The following MMS22L variants were observed in gnomAD, a reference collection of about 807,000 sequenced individuals.
MMS22L encodes protein MMS22-like.
A neutral mutation model predicts 159.1 loss-of-function variants in MMS22L; 74 were observed. That is an observed-to-expected ratio of 0.47 (90% CI 0.39 to 0.56). MMS22L has a LOEUF of 0.56. MMS22L is among the 20% of genes least tolerant of loss of function. The probability of loss-of-function intolerance (pLI) is 0.00; values close to 1 mark genes in which losing one functional copy is unlikely to be tolerated. For synonymous variants in MMS22L, 517 were observed against 506.9 expected, an observed-to-expected ratio of 1.02 and a Z score of -0.27; for missense variants, 1,351 against 1,422.1, an observed-to-expected ratio of 0.95 and a Z score of 0.80.
chr6:97,178,673 A>ATGT, intron 17 of MMS22L, 88 bp from the exon 18 acceptor site: 9 of 598,444 alleles, frequency 1.5e-5, no homozygotes, highest in South Asian at 4.5e-5. Context: ...TAATGTATAT[A>ATGT]TGAGAAGTAA....
rs182844436 is a variant in MMS22L at position 97,213,921 on chromosome 6, C to T, written c.2039+14973G>A. On this transcript the variant is annotated intron_variant, in intron 14 of 24. Transcript: ENST00000683635. ...CCTATCTGTTTTTCCATCTACAGAA[C>T]TACAGCTTTGTTTTAAAAATCTGGA... Among the ~76,000 whole-genome samples, 3 of 152,202 alleles carry T rather than the reference C, an allele frequency of 2.0e-5. No homozygotes were observed. The East Asian group carries it at 5.8e-4, about 29-fold the overall frequency.
At chr6:97,256,277 C>T (rs571324219) in intron 9 of MMS22L, among the ~76,000 whole-genome samples, 1 of 152,224 alleles carries the variant, frequency 6.6e-6, no homozygotes, top group African/African-American at 2.4e-5. Context: ...TCTCTTAGAG[C>T]AAACAAGAAC....
At chr6:97,203,864 A>G (rs996051149) in intron 14 of MMS22L, among the ~76,000 whole-genome samples, 30 of 152,282 alleles carry the variant, frequency 2.0e-4, no homozygotes, top group African/African-American at 7.2e-4. Context: ...AAGGGGCTAA[A>G]TTTTCCCCCA....
At chr6:97,186,720 C>A (rs369469253) in intron 14 of MMS22L, 30 bp from the exon 15 acceptor site, 205 of 1,413,584 alleles carry the variant, frequency 1.5e-4, no homozygotes, top group Non-Finnish European at 1.8e-4. Flanking sequence ...CAGCTAACAC[C>A]CTTAATAAAT....
chr6:97,263,300 G>A, intron 9 of MMS22L, 35 bp downstream of exon 9: 1 of 1,264,490 alleles, frequency 7.9e-7, no homozygotes, highest in Non-Finnish European at 1.1e-6. Flanking sequence ...ATAAAGGTTA[G>A]TAACAATAAC....
At chr6:97,230,810 A>G (rs989283226) in intron 13 of MMS22L, 1 of 152,402 alleles carries the variant, frequency 6.6e-6, no homozygotes, top group African/African-American at 2.4e-5. Flanking sequence ...TACCCTTATA[A>G]GAATTACTCA....
rs748835935 is a variant in MMS22L at position 97,231,662 on chromosome 6, G to A, written c.1303-10C>T. 2.0e-6 allele frequency: 3 copies of A among 1,495,502 alleles called. No individual in the cohort carries two copies. In the Admixed American group the frequency reaches 6.0e-5, roughly 30 times the overall value. The allele number at this position is 1,495,502 out of a possible 1,614,324, so 92.6% of individuals were successfully genotyped here. A position where few individuals can be genotyped will look rare whatever the true frequency, so the allele number is the denominator to read the frequency against. The stretch of plus-strand genomic sequence containing the variant: ...TACTGAAGGAACTATTCTAAAAGGG[G>A]GGAAAAAAAAGATAGAAAACAATTA... On this transcript the variant is annotated splice_polypyrimidine_tract_variant and intron_variant, in intron 12 of 24. Transcript: ENST00000683635.
chr6:97,268,929 A>G (rs1815440962), intron 7 of MMS22L, among the ~76,000 whole-genome samples: 1 of 152,104 alleles, frequency 6.6e-6, no homozygotes, highest in Non-Finnish European at 1.5e-5. Flanking sequence ...ATATGTATGT[A>G]TTTATTAACA....
chr6:97,228,939 A>C lies in MMS22L; in HGVS notation c.1994T>G (p.Leu665Arg). The part of the protein sequence containing the change: ...MLLRACRESE[L>R]RTVLSFLQAV... Reference sequence around the variant, plus strand: ...TTGTAGGAAGCTCAATACTGTCCTAAGTTCAGATTCTCGACATGCTCGCAG... The same window carrying C: ...TTGTAGGAAGCTCAATACTGTCCTACGTTCAGATTCTCGACATGCTCGCAG... The change falls in exon 14 of 25, where the codon CTT (leucine) becomes CGT (arginine). Residue 665 changes from leucine to arginine, a missense_variant. Physicochemically the swap from Leu to Arg is moderately radical, Grantham distance 102 (BLOSUM62 -2). Transcript: ENST00000683635. The C allele has an allele frequency of 6.2e-7, 1 of 1,614,130 alleles. No homozygotes were observed. The highest frequency in any genetic ancestry group is 8.5e-7 in the Non-Finnish European group (1 of 1,180,014).
At chr6:97,223,622 A>C (rs961518824) in intron 14 of MMS22L, among the ~76,000 whole-genome samples, 1 of 152,142 alleles carries the variant, frequency 6.6e-6, no homozygotes, top group East Asian at 1.9e-4. Flanking sequence ...CCATAACTGA[A>C]TACCTAAATA....
rs764675177 is a variant in MMS22L at position 97,149,906 on chromosome 6, CTGAG to C, written c.3593_3596del (p.Thr1198SerfsTer3). The C allele has an allele frequency of 3.7e-6, 6 of 1,613,548 alleles. No homozygotes were observed. The South Asian group carries it at 4.4e-5, about 12-fold the overall frequency. ...ATTTCTGCTCTGAATCCTTCAGAGA[CTGAG>C]TAAGGGTAGAAATCAAGTGGATGAC... On this transcript the variant is annotated frameshift_variant, in exon 24 of 25. Coordinates refer to ENST00000683635, the MANE Select transcript of MMS22L (RefSeq NM_001350599.2). LOFTEE classifies it high-confidence loss of function.
chr6:97,241,007 T>C (rs2128026656), intron 11 of MMS22L, among the ~76,000 whole-genome samples: 1 of 152,320 alleles, frequency 6.6e-6, no homozygotes, highest in East Asian at 1.9e-4. Flanking sequence ...ATATCATGCT[T>C]ACACCTTTGT....
intron 19 of MMS22L, among the ~76,000 whole-genome samples, chr6:97,170,557 A>G (rs1255715709): frequency 6.6e-6 from 1 of 152,074 alleles, no homozygotes; most frequent in African/African-American, 2.4e-5. Flanking sequence ...CCATTCAATG[A>G]TAACCACTAT....
At chr6:97,199,687 C>T (rs1318681434) in intron 14 of MMS22L, among the ~76,000 whole-genome samples, 1 of 151,644 alleles carries the variant, frequency 6.6e-6, no homozygotes, top group African/African-American at 2.4e-5. Context: ...TCATCAGCTC[C>T]AATAGTGACT....
At chr6:97,201,105 C>T (rs1807100948) in intron 14 of MMS22L, among the ~76,000 whole-genome samples, 1 of 151,980 alleles carries the variant, frequency 6.6e-6, no homozygotes, top group South Asian at 2.1e-4. Context: ...AAAATGTAAC[C>T]AAAATGTAAA....
intron 11 of MMS22L, among the ~76,000 whole-genome samples, chr6:97,245,181 T>G (rs1284909189): frequency 6.6e-6 from 1 of 152,036 alleles, no homozygotes; most frequent in Non-Finnish European, 1.5e-5. Context: ...TTCTGTAACT[T>G]AAAACCAGCT....
chr6:97,208,340 C>T (rs1190977782), intron 14 of MMS22L, among the ~76,000 whole-genome samples: 1 of 152,088 alleles, frequency 6.6e-6, no homozygotes, highest in Non-Finnish European at 1.5e-5. Context: ...ACTGCCAGAA[C>T]CATCTATATA....
chr6:97,181,860 C>T (rs1804745873), intron 16 of MMS22L, 44 bp downstream of exon 16: 1 of 1,579,260 alleles, frequency 6.3e-7, no homozygotes, highest in South Asian at 1.2e-5. Flanking sequence ...ACTGATCTGT[C>T]ACAGGTTTGC....
At chr6:97,198,065 A>T (rs1406703442) in intron 14 of MMS22L, among the ~76,000 whole-genome samples, 2 of 152,150 alleles carry the variant, frequency 1.3e-5, no homozygotes, top group African/African-American at 4.8e-5. Context: ...ACATGACATT[A>T]TGTGGCTATA....
Sources: allele counts gnomAD v4.1 joint callset (sites outside exome capture counted in the v4.1 genomes callset), GRCh38; gene constraint gnomAD v4.1.1; transcripts MANE v1.5; gene names NCBI Gene and HGNC (gene_info 2026-07-23, HGNC 2026-07-21).